NCKAP1L: variants seen among roughly 807,000 people sequenced by gnomAD.
NCKAP1L encodes the protein nck-associated protein 1-like.
A neutral mutation model predicts 139.2 loss-of-function variants in NCKAP1L; 53 were observed. That is an observed-to-expected ratio of 0.38 (90% CI 0.31 to 0.48). The LOEUF is 0.48. NCKAP1L is among the 20% of genes least tolerant of loss of function. The pLI, the probability that NCKAP1L is intolerant of heterozygous loss-of-function variation, is 0.98. For missense variants in NCKAP1L, 1,151 were observed against 1,381.9 expected (o/e 0.83, Z 2.65); for synonymous variants, 468 against 499.7 (o/e 0.94, Z 0.85).
Position 54,511,862 on chromosome 12 carries a change from T to A in NCKAP1L, c.784+11T>A. The A allele has an allele frequency of 6.2e-7, 1 of 1,614,148 alleles. No individual in the cohort carries two copies. On this transcript the variant is annotated intron_variant, in intron 8 of 30. Coordinates refer to ENST00000293373, the MANE Select transcript of NCKAP1L (RefSeq NM_005337.5). The stretch of plus-strand genomic sequence containing the variant: ...AGCGCTGGATTATCAGTAAGTTTAG[T>A]GGGATTAGATGGGAGTGGATGAAGC...
chr12:54,528,867 C>A (rs1307917384), intron 22 of NCKAP1L, among the ~76,000 whole-genome samples: 3 of 151,978 alleles, frequency 2.0e-5, no homozygotes, highest in Non-Finnish European at 4.4e-5. Context: ...GATCTCCTGA[C>A]CTTGTGATCT....
chr12:54,505,956 C>T (rs948091724), intron 3 of NCKAP1L, among the ~76,000 whole-genome samples: 2 of 152,206 alleles, frequency 1.3e-5, no homozygotes, highest in African/African-American at 4.8e-5. Context: ...GCCACGGCAC[C>T]CGGCCTCAGT....
chr12:54,500,950 G>C (rs546531319), intron 3 of NCKAP1L: 1 of 180,434 alleles, frequency 5.5e-6, no homozygotes, highest in African/African-American at 2.4e-5. Context: ...GGCTATGCAT[G>C]TTTTTTCTAT....
chr12:54,537,167 A>G lies in NCKAP1L; in HGVS notation c.3183+114A>G, dbSNP rs1383919507. The G allele has an allele frequency of 4.6e-6, 3 of 649,322 alleles. No homozygotes were observed. The East Asian group carries it at 8.5e-5, about 18-fold the overall frequency. The allele number at this position is 649,322 out of a possible 1,614,324, so 40.2% of individuals were successfully genotyped here. On this transcript the variant is annotated intron_variant, in intron 29 of 30. Coordinates refer to ENST00000293373, the MANE Select transcript of NCKAP1L (RefSeq NM_005337.5). ...GCTTTTGAGTCTAACTTCCCACCTA[A>G]TTCATTCAGTAAAGAGTGAGAAGCT...
intron 30 of NCKAP1L, among the ~76,000 whole-genome samples, chr12:54,540,675 G>A (rs1957150597): frequency 6.6e-6 from 1 of 152,244 alleles, no homozygotes; most frequent in Admixed American, 6.5e-5. Context: ...TTAGGTTCTG[G>A]ATTACTTTGG....
rs780615025 is a variant in NCKAP1L at position 54,521,253 on chromosome 12, C to T, written c.1878+15C>T. On this transcript the variant is annotated intron_variant, in intron 18 of 30. Coordinates refer to ENST00000293373, the MANE Select transcript of NCKAP1L (RefSeq NM_005337.5). ...TGAGCGAGCAGGTAGACTCAGCCCT[C>T]TCTGTTTCACTCTCCCCTCTGCCAG... 16 of 1,612,628 alleles carry T rather than the reference C, an allele frequency of 9.9e-6. No homozygotes were observed. The highest frequency in any genetic ancestry group is 1.3e-5 in the African/African-American group (1 of 74,880).
At chr12:54,542,270 T>C (rs1179937023) in intron 30 of NCKAP1L, among the ~76,000 whole-genome samples, 1 of 152,168 alleles carries the variant, frequency 6.6e-6, no homozygotes, top group Non-Finnish European at 1.5e-5. Flanking sequence ...CACATGTGAT[T>C]TAGCATCCAG....
rs1957118964 is a variant in NCKAP1L, at chr12:54,537,006, A to G, written c.3136A>G (p.Thr1046Ala). Residue 1046 changes from threonine (T) to alanine (A), a missense_variant, in exon 29 of 31, where the codon ACG (threonine) becomes GCG (alanine). Physicochemically the swap from Thr to Ala is moderately conservative, Grantham distance 58. Transcript: ENST00000293373. ...CATCCAGGTGTCTGCTGCCCTCTTCACGCTCTACAACAAGAACATTGAAAC... is the reference window on the plus strand; with the variant it reads ...CATCCAGGTGTCTGCTGCCCTCTTCGCGCTCTACAACAAGAACATTGAAAC... ...AIIQVSAALF[T>A]LYNKNIETHL... 6.2e-7 allele frequency: 1 copy of G among 1,613,802 alleles called. No individual in the cohort carries two copies. The highest frequency in any genetic ancestry group is 8.5e-7 in the Non-Finnish European group (1 of 1,179,800).
chr12:54,523,988 A>G (rs1184793985), intron 20 of NCKAP1L, 32 bp downstream of exon 20: 2 of 1,604,750 alleles, frequency 1.2e-6, no homozygotes, highest in Non-Finnish European at 8.5e-7. Context: ...CTGTTTGGAC[A>G]GTAGTCTTCA....
In NCKAP1L at chr12:54,542,772, G is replaced by T; in HGVS notation, c.*87G>T. 1.4e-6 allele frequency: 1 copy of T among 710,424 alleles called. No homozygotes were observed. Among genetic ancestry groups the T allele is most frequent in the Non-Finnish European group, 2.5e-6 (1 of 407,002 alleles). The allele number at this position is 710,424 out of a possible 1,614,324, so 44.0% of individuals were successfully genotyped here. A position where few individuals can be genotyped will look rare whatever the true frequency, so the allele number is the denominator to read the frequency against. On this transcript the variant is annotated 3_prime_UTR_variant, in exon 31 of 31. Coordinates refer to ENST00000293373, the MANE Select transcript of NCKAP1L (RefSeq NM_005337.5). The stretch of plus-strand genomic sequence containing the variant: ...GCTGTGGTCACTTTCGCAGGGGGTG[G>T]GAATGGGGTGGGGTCACTAAGGAGA...
chr12:54,505,428 C>T (rs1282184308), intron 3 of NCKAP1L, among the ~76,000 whole-genome samples: 2 of 140,030 alleles, frequency 1.4e-5, no homozygotes, highest in Middle Eastern at 3.3e-3. Flanking sequence ...TCCATCACCC[C>T]AAGGGTTCCT....
intron 20 of NCKAP1L, 47 bp downstream of exon 20, chr12:54,524,003 C>G (rs772158731): frequency 1.3e-6 from 2 of 1,582,740 alleles, no homozygotes; most frequent in South Asian, 1.1e-5. Flanking sequence ...TCTTCATACC[C>G]TACCATATAC....
intron 9 of NCKAP1L, chr12:54,512,325 T>C (rs1956895257): frequency 2.5e-6 from 1 of 401,826 alleles, no homozygotes; most frequent in Non-Finnish European, 4.5e-6. Flanking sequence ...GCACAGACTC[T>C]GAAACTAGAT....
intron 1 of NCKAP1L, 106 bp from the exon 2 acceptor site, chr12:54,499,249 A>T: frequency 1.5e-6 from 1 of 686,072 alleles, no homozygotes; most frequent in Non-Finnish European, 2.6e-6. Flanking sequence ...ATTAGTTCCC[A>T]GGTTGCCTTT....
rs370008842 is a variant in NCKAP1L at position 54,532,207 on chromosome 12, T to C, written c.2819T>C (p.Ile940Thr). 11 of 1,613,492 alleles carry C rather than the reference T, an allele frequency of 6.8e-6. No individual in the cohort carries two copies. The highest frequency in any genetic ancestry group is 1.1e-5 in the South Asian group (1 of 91,026). ...SSHCPFLMGPIECLKEFVTPD... is the reference protein window; with the variant it reads ...SSHCPFLMGPTECLKEFVTPD... Reference sequence around the variant, plus strand: ...CACTGCCCATTTCTTATGGGTCCCATTGAGTGCTTGAAGGAGTTTGTCACT... The same window carrying C: ...CACTGCCCATTTCTTATGGGTCCCACTGAGTGCTTGAAGGAGTTTGTCACT... The change falls in exon 26 of 31, where the codon ATT (isoleucine) becomes ACT (threonine). Residue 940 changes from isoleucine (I) to threonine (T), a missense_variant. Coordinates refer to ENST00000293373, the MANE Select transcript of NCKAP1L (RefSeq NM_005337.5).
At chr12:54,526,813 A>G in intron 21 of NCKAP1L, 67 bp downstream of exon 21, 3 of 1,371,072 alleles carry the variant, frequency 2.2e-6, no homozygotes, top group Non-Finnish European at 3.1e-6. Context: ...ACACGGTAGG[A>G]CCTCAGGGCC....
rs142155358 is a variant in NCKAP1L at position 54,501,889 on chromosome 12, T to C, written c.306+1264T>C. Among the ~76,000 whole-genome samples the C allele has an allele frequency of 3.2e-3, 493 of 152,336 alleles. 2 individuals are homozygous for C. The highest frequency in any genetic ancestry group is 0.011 in the African/African-American group (451 of 41,576). On this transcript the variant is annotated intron_variant, in intron 3 of 30. Transcript: ENST00000293373. ...TAAGGGCTATAATTCCTCCACATCC[T>C]CGCCAACAATTGTTATTTCGTTTTT... is the stretch of plus-strand genomic sequence containing the variant.
At chr12:54,538,859 T>C in intron 29 of NCKAP1L, 25 bp from the exon 30 acceptor site, 1 of 1,598,320 alleles carries the variant, frequency 6.3e-7, no homozygotes, top group Non-Finnish European at 8.6e-7. Flanking sequence ...TATAAAAATC[T>C]GCTTTACAAA....
At position 54,527,981 on chromosome 12, in the gene NCKAP1L, G is replaced by T. The variant is rs563037156; in HGVS notation, c.2376-266G>T. Among the ~76,000 whole-genome samples, 47 of 152,328 alleles carry T rather than the reference G, an allele frequency of 3.1e-4. No homozygotes were observed. In the Middle Eastern group the frequency reaches 0.01, roughly 33 times the overall value. ...GCTGTTGGAAAAGAGCAGTGGTTGAGGGAGGGGAGTGCATGCTATTGCATT... is the reference window on the plus strand; with the variant it reads ...GCTGTTGGAAAAGAGCAGTGGTTGATGGAGGGGAGTGCATGCTATTGCATT... On this transcript the variant is annotated intron_variant, in intron 21 of 30. Transcript: ENST00000293373.
Sources: gnomAD v4.1 joint callset for allele counts (sites outside exome capture counted in the v4.1 genomes callset) on GRCh38, gnomAD v4.1.1 for gene constraint, MANE v1.5 for transcripts, NCBI Gene and HGNC (gene_info 2026-07-23, HGNC 2026-07-21) for gene names.